Variants in SLC25A48 observed in about 807,000 individuals in gnomAD.
SLC25A48 encodes the protein CTC-321K16.1.
In SLC25A48, 29 loss-of-function variants were observed where a neutral mutation model predicts 32.2. The observed-to-expected ratio is 0.90, with a 90% CI of 0.67 to 1.23. SLC25A48 has a LOEUF of 1.23. Ranked by LOEUF, SLC25A48 falls within the 50% of genes most tolerant of loss-of-function variation. The pLI, the probability that SLC25A48 is intolerant of heterozygous loss-of-function variation, is 0.00. For synonymous variants in SLC25A48, 164 were observed against 172.3 expected, an observed-to-expected ratio of 0.95 and a Z score of 0.38; for missense variants, 399 against 422.7, an observed-to-expected ratio of 0.94 and a Z score of 0.49.
chr5:135,709,723 T>A (rs1442111917), intron 3 of SLC25A48, among the ~76,000 whole-genome samples: 1 of 152,228 alleles, frequency 6.6e-6, no homozygotes, highest in African/African-American at 2.4e-5. Flanking sequence ...TTTCTCCTTT[T>A]AAATGTATAT....
chr5:135,773,019 A>G (rs903227557), intron 3 of SLC25A48, among the ~76,000 whole-genome samples: 4 of 151,606 alleles, frequency 2.6e-5, no homozygotes, highest in South Asian at 2.1e-4. Context: ...ATTACTCCCA[A>G]TATCGCAGGG....
intron 4 of SLC25A48, among the ~76,000 whole-genome samples, chr5:135,814,959 T>G (rs1757680012): frequency 6.6e-6 from 1 of 152,216 alleles, no homozygotes; most frequent in Admixed American, 6.5e-5. Flanking sequence ...TACTGTGGGT[T>G]CTGCTAGACC....
Position 135,661,972 on chromosome 5 carries a change from C to G in SLC25A48, c.-521+27016C>G, listed in dbSNP as rs1051033565. Among the ~76,000 whole-genome samples, 6 of 152,138 alleles carry G rather than the reference C, an allele frequency of 3.9e-5. 1 individual carries two copies. The highest frequency in any genetic ancestry group is 3.9e-4 in the Admixed American group (6 of 15,270). On this transcript the variant is annotated intron_variant, in intron 3 of 10. Coordinates refer to the SLC25A48 transcript ENST00000646290. ...AAGAATAGGTGCCTGAGAGTGGCAT[C>G]ATCAGAGCAAAATGCATATTCATTT...
At chr5:135,637,713 G>A (rs1324160181) in intron 3 of SLC25A48, among the ~76,000 whole-genome samples, 1 of 152,170 alleles carries the variant, frequency 6.6e-6, no homozygotes, top group Non-Finnish European at 1.5e-5. Context: ...TTACAAGGTG[G>A]GTTAGGGGGC....
intron 1 of SLC25A48, among the ~76,000 whole-genome samples, chr5:135,837,675 T>G (rs1422070060): frequency 6.6e-6 from 1 of 152,006 alleles, no homozygotes; most frequent in South Asian, 2.1e-4. Context: ...AATGGCTTTA[T>G]AAAGGGGAGT....
intron 1 of SLC25A48, among the ~76,000 whole-genome samples, chr5:135,835,551 C>T (rs576143294): frequency 1.4e-4 from 21 of 152,174 alleles, no homozygotes; most frequent in African/African-American, 4.1e-4. Context: ...TTTTACTGGG[C>T]CTGGGATGGG....
intron 3 of SLC25A48, among the ~76,000 whole-genome samples, chr5:135,775,011 A>C (rs1293622784): frequency 6.6e-6 from 1 of 151,774 alleles, no homozygotes; most frequent in Non-Finnish European, 1.5e-5. Flanking sequence ...AGGGGGTGAC[A>C]ATGATATTAC....
chr5:135,591,586 A>G (rs896614699), intron 1 of SLC25A48, among the ~76,000 whole-genome samples: 8 of 152,220 alleles, frequency 5.3e-5, no homozygotes, highest in Admixed American at 3.9e-4. Flanking sequence ...CGCTTGCTCC[A>G]GCCTACGCAG....
intron 7 of SLC25A48, chr5:135,882,917 C>T (rs756898011): frequency 3.2e-5 from 10 of 310,036 alleles, no homozygotes; most frequent in African/African-American, 9.0e-5. Context: ...CAAATAGCCC[C>T]GGCAACCCTG....
chr5:135,874,926 G>C, intron 6 of SLC25A48: 2 of 437,746 alleles, frequency 4.6e-6, no homozygotes, highest in Non-Finnish European at 8.0e-6. Flanking sequence ...GTCAGATGTA[G>C]CTACTGTGAG....
At chr5:135,687,067 T>A (rs1055100431) in intron 3 of SLC25A48, among the ~76,000 whole-genome samples, 1 of 152,048 alleles carries the variant, frequency 6.6e-6, no homozygotes, top group African/African-American at 2.4e-5. Flanking sequence ...GCTTGACTCA[T>A]CCAGGATTTT....
At chr5:135,848,701 C>A (rs556294630) in intron 2 of SLC25A48, among the ~76,000 whole-genome samples, 97 of 152,260 alleles carry the variant, frequency 6.4e-4, no homozygotes, top group African/African-American at 2.1e-3. Context: ...CTGCTGAATT[C>A]CCTGAGACTG....
rs188447711 is a variant in SLC25A48, at chr5:135,638,656, A to G, written c.-521+3700A>G. Among the ~76,000 whole-genome samples the G allele has an allele frequency of 2.0e-5, 3 of 152,386 alleles. No individual in the cohort carries two copies. In the East Asian group the frequency reaches 5.8e-4, roughly 29 times the overall value. On this transcript the variant is annotated intron_variant, in intron 3 of 10. Coordinates refer to the SLC25A48 transcript ENST00000646290. Reference sequence around the variant, plus strand: ...GATAGGATGAAAGAAATTTTGAAGCATTAGTGGTGTGATTGATTTCATGTG... The same window carrying G: ...GATAGGATGAAAGAAATTTTGAAGCGTTAGTGGTGTGATTGATTTCATGTG...
rs1216242147 is a variant in SLC25A48, at chr5:135,886,671, T to A, written c.*8-1361T>A. The stretch of plus-strand genomic sequence containing the variant: ...ATATGTGTGTGTGTGTGTGTGTGTG[T>A]GTGAGAGAGAGAGAGAGAGAGAGAG... On this transcript the variant is annotated intron_variant, in intron 7 of 7. Coordinates refer to ENST00000681962, the MANE Select transcript of SLC25A48 (RefSeq NM_001349336.2). Among the ~76,000 whole-genome samples, 19 of 98,674 alleles carry A rather than the reference T, an allele frequency of 1.9e-4. No individual in the cohort carries two copies. The South Asian group carries it at 3.5e-3, about 18-fold the overall frequency. 64.7% of individuals were successfully genotyped at this position (98,674 alleles called of 152,430 possible).
At chr5:135,861,313 G>GCACACACACACA (rs10561751) in intron 4 of SLC25A48, among the ~76,000 whole-genome samples, 1 of 145,692 alleles carries the variant, frequency 6.9e-6, no homozygotes, top group East Asian at 2.0e-4. Flanking sequence ...AAATACACAC[G>GCACACACACACA]CACACACACA....
At chr5:135,660,379 A>G (rs574622808) in intron 3 of SLC25A48, among the ~76,000 whole-genome samples, 7 of 152,126 alleles carry the variant, frequency 4.6e-5, no homozygotes, top group Non-Finnish European at 8.8e-5. Context: ...TATGGTCTCC[A>G]TTTCTATGCT....
At chr5:135,694,188 C>A (rs1258982473) in intron 3 of SLC25A48, among the ~76,000 whole-genome samples, 1 of 152,182 alleles carries the variant, frequency 6.6e-6, no homozygotes. Flanking sequence ...CTCTTGGCTT[C>A]TGGATGAAAC....
intron 7 of SLC25A48, chr5:135,882,943 C>A: frequency 3.4e-6 from 2 of 582,944 alleles, no homozygotes; most frequent in African/African-American, 2.0e-5. Context: ...CTCTGCCAGT[C>A]TGTACTTTGC....
chr5:135,813,396 G>A (rs188143191), intron 4 of SLC25A48, among the ~76,000 whole-genome samples: 1 of 152,168 alleles, frequency 6.6e-6, no homozygotes, highest in East Asian at 1.9e-4. Flanking sequence ...TGAAGACAGG[G>A]CCAGAAGTGG....
Sources: gnomAD v4.1 joint callset for allele counts (sites outside exome capture counted in the v4.1 genomes callset) on GRCh38, gnomAD v4.1.1 for gene constraint, MANE v1.5 for transcripts, NCBI Gene and HGNC (gene_info 2026-07-23, HGNC 2026-07-21) for gene names.